The following ATP6V0C variants were observed in gnomAD, a reference collection of about 807,000 sequenced individuals.
ATP6V0C encodes the protein V-type proton ATPase 16 kDa proteolipid subunit c.
In ATP6V0C, 2 loss-of-function variants were observed where a neutral mutation model predicts 10.6. That is an observed-to-expected ratio of 0.19 (90% confidence interval 0.08 to 0.59). The LOEUF (loss-of-function observed/expected upper bound fraction) is 0.59, where lower values mean the gene tolerates loss of function less well. Ranked by LOEUF, ATP6V0C falls within the 20% of genes least tolerant of loss-of-function variation. The pLI is 0.90. For missense variants in ATP6V0C, 89 were observed against 225.9 expected (o/e 0.39, Z 3.88); for synonymous variants, 128 against 101.3 (o/e 1.26, Z -1.59).
intron 2 of ATP6V0C, 49 bp from the exon 3 acceptor site, chr16:2,519,492 C>A (rs199740723): frequency 3.9e-6 from 6 of 1,544,462 alleles, no homozygotes; most frequent in East Asian, 4.5e-5. Flanking sequence ...ACCCTTGTCT[C>A]CCCCTGGTTG....
At chr16:2,518,172 A>G (rs893011031) in intron 1 of ATP6V0C, among the ~76,000 whole-genome samples, 4 of 152,246 alleles carry the variant, frequency 2.6e-5, no homozygotes, top group Non-Finnish European at 5.9e-5. Context: ...GCAGCTCAGT[A>G]GGCCCCTGTG....
At chr16:2,519,488 G>GTC in intron 2 of ATP6V0C, 53 bp from the exon 3 acceptor site, 1 of 1,546,476 alleles carries the variant, frequency 6.5e-7, no homozygotes, top group Non-Finnish European at 8.7e-7. Context: ...CCGGACCCTT[G>GTC]TCTCCCCCTG....
At chr16:2,516,306 G>A (rs984237589) in intron 1 of ATP6V0C, among the ~76,000 whole-genome samples, 2 of 151,504 alleles carry the variant, frequency 1.3e-5, no homozygotes, top group South Asian at 2.1e-4. Context: ...ACAGGGTCTC[G>A]CCATGTGGCT....
At chr16:2,514,236 C>G in intron 1 of ATP6V0C, 54 bp downstream of exon 1, 7 of 1,482,836 alleles carry the variant, frequency 4.7e-6, no homozygotes, top group Non-Finnish European at 6.3e-6. Context: ...GTTGCTCATG[C>G]CCGCAGCTCG....
At position 2,519,479 on chromosome 16, in the gene ATP6V0C, C is replaced by T. The variant is rs139030105; in HGVS notation, c.264-62C>T. On this transcript the variant is annotated intron_variant, in intron 2 of 2. Transcript: ENST00000330398. The stretch of plus-strand genomic sequence containing the variant: ...GGCGGTTCACCTGTGGGTGGTGACC[C>T]GGACCCTTGTCTCCCCCTGGTTGGC... 6.4e-3 allele frequency: 9,926 copies of T among 1,550,818 alleles called. 47 individuals are homozygous for T. Among genetic ancestry groups the T allele is most frequent in the Non-Finnish European group, 8.0e-3 (9,189 of 1,145,812 alleles).
At position 2,514,092 on chromosome 16, in the gene ATP6V0C, C is replaced by A. The variant is rs2065864411; in HGVS notation, c.-12C>A. ...TCGGCCCGCAGAGCTTGCCCCCTCCCCACCCGCAGACATGTCCGAGTCCAA... is the reference window on the plus strand; with the variant it reads ...TCGGCCCGCAGAGCTTGCCCCCTCCACACCCGCAGACATGTCCGAGTCCAA... On this transcript the variant is annotated 5_prime_UTR_variant, in exon 1 of 3. Transcript: ENST00000330398. 1.9e-6 allele frequency: 3 copies of A among 1,571,456 alleles called. No homozygotes were observed. The East Asian group carries it at 7.4e-5, about 39-fold the overall frequency.
At chr16:2,516,845 T>C (rs1285613787) in intron 1 of ATP6V0C, 2 of 152,378 alleles carry the variant, frequency 1.3e-5, no homozygotes, top group African/African-American at 4.8e-5. Context: ...AGGTCTGCCT[T>C]CTGCAGTCTG....
intron 1 of ATP6V0C, among the ~76,000 whole-genome samples, chr16:2,515,162 G>A (rs139371356): frequency 6.6e-6 from 1 of 152,240 alleles, no homozygotes; most frequent in Non-Finnish European, 1.5e-5. Flanking sequence ...ACAGGTCCTG[G>A]GCGTCCAATT....
chr16:2,519,919 C>CCCTCCCCGG lies in ATP6V0C; in HGVS notation c.*174_*175insCCTCCCCGG. 1.1e-6 allele frequency: 1 copy of CCCTCCCCGG among 951,928 alleles called. No homozygotes were observed. The highest frequency in any genetic ancestry group is 1.6e-6 in the Non-Finnish European group (1 of 616,934). The allele number at this position is 951,928 out of a possible 1,614,324, so 59.0% of individuals were successfully genotyped here. ...TCCCCGGCCTTGCCCCCGCCCGCCCCGTGCCGTGGACATCTGGGCCCACTC... is the reference window on the plus strand; with the variant it reads ...TCCCCGGCCTTGCCCCCGCCCGCCCCCCTCCCCGGGTGCCGTGGACATCTGGGCCCACTC... On this transcript the variant is annotated 3_prime_UTR_variant, in exon 3 of 3. Coordinates refer to ENST00000330398, the MANE Select transcript of ATP6V0C (RefSeq NM_001694.4).
At position 2,519,962 on chromosome 16, in the gene ATP6V0C, C is replaced by T; in HGVS notation, c.*217C>T. 1.4e-6 allele frequency: 1 copy of T among 725,182 alleles called. No homozygotes were observed. Among genetic ancestry groups the T allele is most frequent in the South Asian group, 1.5e-5 (1 of 67,144 alleles). 44.9% of individuals were successfully genotyped at this position (725,182 alleles called of 1,614,324 possible). ...GCCCACTCATCGCCCCTCCAGGCCC[C>T]CGGCGCCCCACCCCCTAGAGTGCTC... On this transcript the variant is annotated 3_prime_UTR_variant, in exon 3 of 3. Coordinates refer to ENST00000330398, the MANE Select transcript of ATP6V0C (RefSeq NM_001694.4).
chr16:2,517,116 T>C (rs2065880599), intron 1 of ATP6V0C: 1 of 152,550 alleles, frequency 6.6e-6, no homozygotes, highest in Non-Finnish European at 1.5e-5. Context: ...TGGTCTCTTG[T>C]GCATACATGA....
intron 1 of ATP6V0C, among the ~76,000 whole-genome samples, chr16:2,515,638 C>G (rs188176699): frequency 2.6e-4 from 39 of 152,288 alleles, no homozygotes; most frequent in African/African-American, 8.9e-4. Flanking sequence ...AACAGGCTGC[C>G]GAGCCCTTCC....
intron 1 of ATP6V0C, among the ~76,000 whole-genome samples, chr16:2,515,173 T>G (rs2141889439): frequency 6.6e-6 from 1 of 152,216 alleles, no homozygotes; most frequent in East Asian, 1.9e-4. Flanking sequence ...GCGTCCAATT[T>G]AGTGACAATT....
intron 1 of ATP6V0C, among the ~76,000 whole-genome samples, chr16:2,515,409 A>T (rs2065872277): frequency 6.6e-6 from 1 of 152,132 alleles, no homozygotes; most frequent in South Asian, 2.1e-4. Flanking sequence ...TTGAACTCCA[A>T]ACAGTCTCTG....
chr16:2,514,870 G>T (rs1334602019), intron 1 of ATP6V0C, among the ~76,000 whole-genome samples: 1 of 152,182 alleles, frequency 6.6e-6, no homozygotes, highest in East Asian at 1.9e-4. Context: ...TGGAAGTGGA[G>T]GGAGCGGGGA....
In ATP6V0C at chr16:2,520,092, A is replaced by G. The variant is rs1162165613; in HGVS notation, c.*347A>G. The G allele has an allele frequency of 4.9e-6, 3 of 606,238 alleles. No homozygotes were observed. Among genetic ancestry groups the G allele is most frequent in the Admixed American group, 2.1e-5 (1 of 46,756 alleles). 37.6% of individuals were successfully genotyped at this position (606,238 alleles called of 1,614,324 possible). On this transcript the variant is annotated 3_prime_UTR_variant, in exon 3 of 3. Transcript: ENST00000330398. ...GCGGAGCGGCCCTTGTCTCCCAGCTATCTATAACCTTAGCTAGAGTGTCGC... is the reference window on the plus strand; with the variant it reads ...GCGGAGCGGCCCTTGTCTCCCAGCTGTCTATAACCTTAGCTAGAGTGTCGC...
At chr16:2,516,898 A>G (rs2065879866) in intron 1 of ATP6V0C, 1 of 152,414 alleles carries the variant, frequency 6.6e-6, no homozygotes, top group African/African-American at 2.4e-5. Context: ...TGCTCATGGT[A>G]TTCCGCTCCT....
intron 1 of ATP6V0C, among the ~76,000 whole-genome samples, chr16:2,514,808 C>T (rs1046795012): frequency 2.0e-5 from 3 of 152,182 alleles, no homozygotes; most frequent in Non-Finnish European, 4.4e-5. Context: ...TTTGGGAAAG[C>T]TGGGCTGAGG....
At chr16:2,516,802 C>T (rs931215476) in intron 1 of ATP6V0C, 8 of 152,576 alleles carry the variant, frequency 5.2e-5, no homozygotes, top group Admixed American at 3.9e-4. Flanking sequence ...GCCCCCCACT[C>T]TTTCTGTGGC....
Sources: gnomAD v4.1 joint callset for allele counts (sites outside exome capture counted in the v4.1 genomes callset) on GRCh38, gnomAD v4.1.1 for gene constraint, MANE v1.5 for transcripts, NCBI Gene and HGNC (gene_info 2026-07-23, HGNC 2026-07-21) for gene names.